Variants in MS4A7 observed in about 807,000 individuals in gnomAD.
MS4A7 encodes membrane-spanning 4-domains subfamily A member 7.
Under a neutral mutation model 23.5 loss-of-function variants are expected in MS4A7, and 21 were observed. The ratio of observed to expected loss-of-function variants is 0.89; its 90% CI spans 0.63 to 1.29. The LOEUF (loss-of-function observed/expected upper bound fraction) is 1.29. Among genes scored for constraint, MS4A7 ranks in the 50% most tolerant of loss-of-function variants. The pLI, the probability that MS4A7 is intolerant of heterozygous loss-of-function variation, is 0.00. For synonymous variants in MS4A7, 111 were observed against 107.4 expected, an observed-to-expected ratio of 1.03 and a Z score of -0.21; for missense variants, 263 against 274.2, an observed-to-expected ratio of 0.96 and a Z score of 0.29.
At chr11:60,386,811 T>A (rs371816401) in intron 4 of MS4A7, 38 bp downstream of exon 4, 24 of 1,485,376 alleles carry the variant, frequency 1.6e-5, no homozygotes, top group Non-Finnish European at 2.1e-5. Context: ...CTGGTTGGAA[T>A]TGAAGGAACG....
intron 5 of MS4A7, 148 bp downstream of exon 5, chr11:60,389,744 C>A: frequency 1.4e-6 from 1 of 704,022 alleles, no homozygotes; most frequent in East Asian, 2.7e-5. Context: ...TTGGAAGAGG[C>A]CTGTCTGCTG....
chr11:60,385,068 T>A lies in MS4A7; in HGVS notation c.148-20T>A. ...ATCTGTTTGAAGTGCAGTCTAGATT[T>A]CCTGTCTTCTCTCTTGTAGACTGTC... On this transcript the variant is annotated intron_variant, in intron 2 of 6. Transcript: ENST00000300184. 1 of 1,610,618 alleles carries A rather than the reference T, an allele frequency of 6.2e-7. No individual in the cohort carries two copies. The highest frequency in any genetic ancestry group is 8.5e-7 in the Non-Finnish European group (1 of 1,176,944).
chr11:60,394,685 C>A lies in MS4A7; in HGVS notation c.*824C>A, dbSNP rs1002388025. On this transcript the variant is annotated 3_prime_UTR_variant, in exon 7 of 7. Transcript: ENST00000300184. ...GGCATGGTGGTGCGCACCTGTAGTT[C>A]CAGCTACTTGGGAGGCTGAGGCAGA... 1 of 193,580 alleles carries A rather than the reference C, an allele frequency of 5.2e-6. No individual in the cohort carries two copies. Among genetic ancestry groups the A allele is most frequent in the South Asian group, 1.9e-4 (1 of 5,378 alleles). The allele number at this position is 193,580 out of a possible 1,614,324, so 12.0% of individuals were successfully genotyped here. A position where few individuals can be genotyped will look rare whatever the true frequency, so the allele number is the denominator to read the frequency against.
At chr11:60,389,271 A>G (rs1387045186) in intron 4 of MS4A7, 119 bp from the exon 5 acceptor site, 1 of 737,968 alleles carries the variant, frequency 1.4e-6, no homozygotes, top group East Asian at 2.7e-5. Flanking sequence ...TTGTGCCCAC[A>G]CAAGGAAACA....
chr11:60,383,457 A>G (rs2085451428), intron 2 of MS4A7, 169 bp downstream of exon 2: 1 of 552,476 alleles, frequency 1.8e-6, no homozygotes, highest in Admixed American at 3.8e-5. Flanking sequence ...GCTCTGCAGC[A>G]GTTTCTAGAA....
chr11:60,394,024 T>G lies in MS4A7; in HGVS notation c.*163T>G. The G allele has an allele frequency of 2.3e-6, 1 of 428,106 alleles. No homozygotes were observed. Among genetic ancestry groups the G allele is most frequent in the Non-Finnish European group, 4.0e-6 (1 of 251,286 alleles). 26.5% of individuals were successfully genotyped at this position (428,106 alleles called of 1,614,324 possible). ...ACTATGAGTCGTTATTTAATTTCTC[T>G]TGAAAATAATTTCCTCAAAGCCCAA... On this transcript the variant is annotated 3_prime_UTR_variant, in exon 7 of 7. Coordinates refer to ENST00000300184, the MANE Select transcript of MS4A7 (RefSeq NM_021201.5).
chr11:60,392,292 T>A (rs1369811930), intron 5 of MS4A7, among the ~76,000 whole-genome samples: 3 of 152,006 alleles, frequency 2.0e-5, no homozygotes, highest in Non-Finnish European at 4.4e-5. Context: ...TAACTAGAAA[T>A]TTTTTAGAAT....
At chr11:60,391,438 C>T (rs1425433617) in intron 5 of MS4A7, among the ~76,000 whole-genome samples, 6 of 152,106 alleles carry the variant, frequency 3.9e-5, no homozygotes, top group Admixed American at 3.3e-4. Flanking sequence ...CCACTACCAC[C>T]ATCTACAAAC....
chr11:60,383,415 A>G (rs894607148), intron 2 of MS4A7, 127 bp downstream of exon 2: 2 of 1,078,926 alleles, frequency 1.9e-6, no homozygotes, highest in East Asian at 2.6e-5. Context: ...TAATGAGGAC[A>G]TGAAATGGAG....
chr11:60,381,160 C>T (rs1246213108), intron 1 of MS4A7, among the ~76,000 whole-genome samples: 1 of 152,144 alleles, frequency 6.6e-6, no homozygotes, highest in Non-Finnish European at 1.5e-5. Flanking sequence ...ATTCTGGAAC[C>T]TAGAATTTCT....
At chr11:60,391,762 T>C (rs1424571885) in intron 5 of MS4A7, among the ~76,000 whole-genome samples, 1 of 151,546 alleles carries the variant, frequency 6.6e-6, no homozygotes, top group Non-Finnish European at 1.5e-5. Context: ...CTACTAAAAA[T>C]ACAAAAATTA....
chr11:60,378,571 T>C lies in MS4A7; in HGVS notation c.-107T>C, dbSNP rs928059660. 1 of 152,384 alleles carries C rather than the reference T, an allele frequency of 6.6e-6. No individual in the cohort carries two copies. Among genetic ancestry groups the C allele is most frequent in the Admixed American group, 6.5e-5 (1 of 15,308 alleles). The allele number at this position is 152,384 out of a possible 1,614,324, so 9.4% of individuals were successfully genotyped here. A position where few individuals can be genotyped will look rare whatever the true frequency, so the allele number is the denominator to read the frequency against. ...GGAGAGCAGAGCACCAAGATCGTTCTGGCAGGAACAGCCAGTGGGAGGTTC... is the reference window on the plus strand; with the variant it reads ...GGAGAGCAGAGCACCAAGATCGTTCCGGCAGGAACAGCCAGTGGGAGGTTC... On this transcript the variant is annotated 5_prime_UTR_variant, in exon 1 of 7. Transcript: ENST00000300184.
At chr11:60,385,660 G>A (rs771647297) in intron 3 of MS4A7, among the ~76,000 whole-genome samples, 2 of 152,098 alleles carry the variant, frequency 1.3e-5, no homozygotes, top group African/African-American at 2.4e-5. Flanking sequence ...CAGAGATTTG[G>A]ATTAACAAGG....
At chr11:60,389,662 T>C (rs2085530521) in intron 5 of MS4A7, 66 bp downstream of exon 5, 1 of 1,456,852 alleles carries the variant, frequency 6.9e-7, no homozygotes, top group South Asian at 1.1e-5. Flanking sequence ...GCATACTCTC[T>C]GCTTTTCTGG....
At chr11:60,386,915 T>A (rs1452580068) in intron 4 of MS4A7, 142 bp downstream of exon 4, 1 of 681,348 alleles carries the variant, frequency 1.5e-6, no homozygotes, top group Non-Finnish European at 2.4e-6. Context: ...TTCCTGGCTG[T>A]CCCATTGGTA....
rs1009569838 is a variant in MS4A7 at position 60,386,833 on chromosome 11, T to A, written c.339+60T>A. 6 of 1,346,014 alleles carry A rather than the reference T, an allele frequency of 4.5e-6. No individual in the cohort carries two copies. In the African/African-American group the frequency reaches 7.4e-5, roughly 17 times the overall value. The allele number at this position is 1,346,014 out of a possible 1,614,324, so 83.4% of individuals were successfully genotyped here. ...GAATTGAAGGAACGTCAGAGTTAAT[T>A]CTTCTAGTTTAAAAATCCCTATTTT... is the stretch of plus-strand genomic sequence containing the variant. On this transcript the variant is annotated intron_variant, in intron 4 of 6. Coordinates refer to ENST00000300184, the MANE Select transcript of MS4A7 (RefSeq NM_021201.5).
At chr11:60,389,194 AT>A in intron 4 of MS4A7, 195 bp from the exon 5 acceptor site, 1 of 580,610 alleles carries the variant, frequency 1.7e-6, no homozygotes, top group Non-Finnish European at 3.1e-6. Context: ...TTCAATAAGC[AT>A]TTACTAATTA....
At chr11:60,389,839 T>C in intron 5 of MS4A7, 1 of 500,110 alleles carries the variant, frequency 2.0e-6, no homozygotes, top group Non-Finnish European at 3.7e-6. Context: ...CCACTGGTCT[T>C]TCTTAATCAC....
intron 3 of MS4A7, chr11:60,386,444 A>G (rs1312765308): frequency 2.7e-6 from 1 of 377,020 alleles, no homozygotes; most frequent in Non-Finnish European, 4.7e-6. Context: ...CTTCCCAGGT[A>G]CACCTTTTCT....
Sources: gnomAD v4.1 joint callset for allele counts (sites outside exome capture counted in the v4.1 genomes callset) on GRCh38, gnomAD v4.1.1 for gene constraint, MANE v1.5 for transcripts, NCBI Gene and HGNC (gene_info 2026-07-23, HGNC 2026-07-21) for gene names.